Variants in NOS1AP observed in about 807,000 individuals in gnomAD.
The protein encoded by NOS1AP is nitric oxide synthase 1 adaptor protein, also known as carboxyl-terminal PDZ ligand of neuronal nitric oxide synthase protein.
Under a neutral mutation model 56.2 loss-of-function variants are expected in NOS1AP, and 21 were observed. That is an observed-to-expected ratio of 0.37 (90% CI 0.26 to 0.54). The LOEUF (loss-of-function observed/expected upper bound fraction) is 0.54, where lower values mean the gene tolerates loss of function less well. NOS1AP is among the 20% of genes least tolerant of loss of function. The pLI is 0.84. For synonymous variants in NOS1AP, 270 were observed against 274.6 expected (o/e 0.98, Z 0.17); for missense variants, 522 against 657.8 (o/e 0.79, Z 2.26).
At chr1:162,232,557 AGT>A (rs745917319) in intron 2 of NOS1AP, among the ~76,000 whole-genome samples, 14 of 148,576 alleles carry the variant, frequency 9.4e-5, no homozygotes, top group African/African-American at 2.0e-4. Context: ...TGTGTGTCTA[AGT>A]GTGTGTGTGT....
intron 1 of NOS1AP, among the ~76,000 whole-genome samples, chr1:162,074,989 G>C (rs1280915603): frequency 1.3e-5 from 2 of 152,150 alleles, no homozygotes; most frequent in Non-Finnish European, 2.9e-5. Flanking sequence ...GCCACATCCT[G>C]TTGGTCAAAA....
intron 1 of NOS1AP, among the ~76,000 whole-genome samples, chr1:162,150,875 G>A (rs1649677149): frequency 6.6e-6 from 1 of 152,114 alleles, no homozygotes; most frequent in Non-Finnish European, 1.5e-5. Context: ...TTGTCAGATA[G>A]GAAGTTTGCA....
rs532706428 is a variant in NOS1AP at position 162,190,476 on chromosome 1, A to T, written c.177+36000A>T. On this transcript the variant is annotated intron_variant, in intron 2 of 9. Coordinates refer to ENST00000361897, the MANE Select transcript of NOS1AP (RefSeq NM_014697.3). The stretch of plus-strand genomic sequence containing the variant: ...ACATTTTTTTAAACAATCTGATTTT[A>T]TTTATTTTTAATTGACAAATAATGT... Among the ~76,000 whole-genome samples, 5 of 152,062 alleles carry T rather than the reference A, an allele frequency of 3.3e-5. No individual in the cohort carries two copies. The East Asian group carries it at 7.7e-4, about 24-fold the overall frequency.
At chr1:162,291,662 AT>A (rs1035526185) in intron 3 of NOS1AP, among the ~76,000 whole-genome samples, 2 of 152,160 alleles carry the variant, frequency 1.3e-5, no homozygotes, top group African/African-American at 4.8e-5. Flanking sequence ...TGTAAAAAAC[AT>A]CTTTTTGGTT....
At chr1:162,264,469 C>CCTCTCCTCTCCTCTCCTCTCCTCTCCTCT (rs373124349) in intron 2 of NOS1AP, among the ~76,000 whole-genome samples, 11 of 31,860 alleles carry the variant, frequency 3.5e-4, no homozygotes, top group African/African-American at 8.8e-4. Context: ...TCTTCTCCTC[C>CCTCTCCTCTCCTCTCCTCTCCTCTCCTCT]CCTCCCCTCC....
intron 1 of NOS1AP, among the ~76,000 whole-genome samples, chr1:162,094,316 A>G (rs1692192529): frequency 6.6e-6 from 1 of 152,138 alleles, no homozygotes; most frequent in African/African-American, 2.4e-5. Context: ...TTCATCTTTC[A>G]TCAAGACAGC....
intron 5 of NOS1AP, among the ~76,000 whole-genome samples, chr1:162,337,284 G>T (rs577833631): frequency 6.6e-6 from 1 of 152,318 alleles, no homozygotes; most frequent in South Asian, 2.1e-4. Context: ...CGATTGGTTT[G>T]GGTTAGGAGA....
chr1:162,154,511 A>T (rs1377076614), intron 2 of NOS1AP, 35 bp downstream of exon 2: 1 of 1,606,540 alleles, frequency 6.2e-7, no homozygotes. Context: ...TGGAGCGGGG[A>T]GTCAAGTGCC....
chr1:162,222,343 T>C (rs1360255374), intron 2 of NOS1AP, among the ~76,000 whole-genome samples: 1 of 152,212 alleles, frequency 6.6e-6, no homozygotes, highest in East Asian at 1.9e-4. Context: ...ATAAATTTCT[T>C]CCTTGAGCAC....
At chr1:162,092,862 A>G (rs1290144767) in intron 1 of NOS1AP, among the ~76,000 whole-genome samples, 3 of 152,202 alleles carry the variant, frequency 2.0e-5, no homozygotes, top group African/African-American at 2.4e-5. Context: ...CTTTAGTACC[A>G]TAAATGAGGG....
intron 1 of NOS1AP, among the ~76,000 whole-genome samples, chr1:162,072,380 C>T (rs80260869): frequency 0.019 from 2,848 of 152,270 alleles, 104 homozygotes; most frequent in African/African-American, 0.066. Context: ...ATCTTACTCT[C>T]CCTTTCCCAA....
chr1:162,188,419 G>A lies in NOS1AP; in HGVS notation c.177+33943G>A, dbSNP rs754963765. 6.6e-6 allele frequency among the ~76,000 whole-genome samples: 1 copy of A among 152,128 alleles called. No individual in the cohort carries two copies. The highest frequency in any genetic ancestry group is 1.5e-5 in the Non-Finnish European group (1 of 68,030). On this transcript the variant is annotated intron_variant, in intron 2 of 9. Transcript: ENST00000361897. The surrounding 1 kb of genome is among the most constrained non-coding windows in gnomAD (Gnocchi z 4.0). ...TTCCATAATGCTTGATTAATGCTCT[G>A]TTGTTAATATCTTATAAGACCTGGA...
chr1:162,077,486 A>G (rs1230712943), intron 1 of NOS1AP, among the ~76,000 whole-genome samples: 5 of 152,066 alleles, frequency 3.3e-5, no homozygotes, highest in Non-Finnish European at 7.4e-5. Context: ...AGTTCTTTAT[A>G]TATTCTGGAT....
intron 2 of NOS1AP, among the ~76,000 whole-genome samples, chr1:162,215,482 G>A (rs936390594): frequency 6.6e-6 from 1 of 152,216 alleles, no homozygotes; most frequent in African/African-American, 2.4e-5. Context: ...GCTGCTCTCT[G>A]TCCTGCTATT....
rs948484574 is a variant in NOS1AP, at chr1:162,304,317, G to A, written c.344+3611G>A. On this transcript the variant is annotated intron_variant, in intron 4 of 9. Coordinates refer to ENST00000361897, the MANE Select transcript of NOS1AP (RefSeq NM_014697.3). ...TGCCTTTGCTAAACATCAGTTATCC[G>A]TCTCTGTGAGGTTTATTTCTGGACT... Among the ~76,000 whole-genome samples the A allele has an allele frequency of 1.4e-4, 22 of 152,068 alleles. No individual in the cohort carries two copies. The East Asian group carries it at 2.9e-3, about 20-fold the overall frequency.
intron 2 of NOS1AP, among the ~76,000 whole-genome samples, chr1:162,211,839 G>A (rs544378606): frequency 1.1e-4 from 16 of 152,308 alleles, no homozygotes; most frequent in Admixed American, 1.3e-4. Flanking sequence ...GGGACTGGCT[G>A]AATTAGCAGC....
chr1:162,304,416 T>C (rs563838912), intron 4 of NOS1AP, among the ~76,000 whole-genome samples: 1 of 152,372 alleles, frequency 6.6e-6, no homozygotes, highest in African/African-American at 2.4e-5. Context: ...CATAGTTTAA[T>C]AATTCTTGAA....
intron 2 of NOS1AP, among the ~76,000 whole-genome samples, chr1:162,199,165 GT>G (rs1247590109): frequency 3.3e-5 from 5 of 152,150 alleles, no homozygotes; most frequent in Non-Finnish European, 7.3e-5. Context: ...ACCTCCTTGA[GT>G]CGGCTTTAAG....
intron 1 of NOS1AP, among the ~76,000 whole-genome samples, chr1:162,131,093 A>G (rs1392549137): frequency 6.6e-6 from 1 of 152,072 alleles, no homozygotes; most frequent in Non-Finnish European, 1.5e-5. Flanking sequence ...GGGGCCAGTG[A>G]ATATAGTGAA....
Sources: allele counts gnomAD v4.1 joint callset (sites outside exome capture counted in the v4.1 genomes callset), GRCh38; gene constraint gnomAD v4.1.1; non-coding constraint Gnocchi (gnomAD v3.1); transcripts MANE v1.5; gene names NCBI Gene and HGNC (gene_info 2026-07-23, HGNC 2026-07-21).